The following ELP4 variants were observed in gnomAD, a reference collection of about 807,000 sequenced individuals.
ELP4 encodes the protein elongator complex protein 4.
A neutral mutation model predicts 48.9 loss-of-function variants in ELP4; 51 were observed. That is an observed-to-expected ratio of 1.04 (90% CI 0.83 to 1.32). The LOEUF is 1.32. Ranked by LOEUF, ELP4 falls within the 40% of genes most tolerant of loss-of-function variation. ELP4 has a pLI of 0.00. For missense variants in ELP4, 519 were observed against 514.6 expected, an observed-to-expected ratio of 1.01 and a Z score of -0.08; for synonymous variants, 210 against 189.2, an observed-to-expected ratio of 1.11 and a Z score of -0.90.
At chr11:31,732,863 T>C (rs563463888) in intron 9 of ELP4, among the ~76,000 whole-genome samples, 2 of 152,292 alleles carry the variant, frequency 1.3e-5, no homozygotes, top group Non-Finnish European at 2.9e-5. Flanking sequence ...CAGGAAGATA[T>C]AGCAATTGTA....
intron 4 of ELP4, among the ~76,000 whole-genome samples, chr11:31,597,810 G>C (rs1957700131): frequency 6.6e-6 from 1 of 151,958 alleles, no homozygotes; most frequent in South Asian, 2.1e-4. Context: ...CAGGTGATCT[G>C]CCTGCCTTGG....
chr11:31,579,967 GA>G (rs903633055), intron 3 of ELP4, among the ~76,000 whole-genome samples: 8 of 150,754 alleles, frequency 5.3e-5, no homozygotes, highest in South Asian at 2.1e-4. Context: ...AAAACAACTA[GA>G]AAAAAAAAGT....
At chr11:31,510,678 TACG>T (rs1955976540) in intron 1 of ELP4, 7 of 293,114 alleles carry the variant, frequency 2.4e-5, no homozygotes, top group African/African-American at 8.7e-5. Context: ...CTACATTCCA[TACG>T]ACATCTTTAA....
intron 3 of ELP4, among the ~76,000 whole-genome samples, chr11:31,571,625 A>G (rs1390580540): frequency 2.0e-5 from 3 of 152,210 alleles, no homozygotes; most frequent in Admixed American, 1.3e-4. Flanking sequence ...TATAGCAGCA[A>G]TAGTGTTAAG....
chr11:31,727,384 A>G (rs1947097625), intron 9 of ELP4, among the ~76,000 whole-genome samples: 1 of 152,144 alleles, frequency 6.6e-6, no homozygotes, highest in Non-Finnish European at 1.5e-5. Flanking sequence ...AGGACTTGGG[A>G]GAATCAGGTC....
chr11:31,543,464 C>T (rs1165985634), intron 3 of ELP4, among the ~76,000 whole-genome samples: 7 of 152,066 alleles, frequency 4.6e-5, no homozygotes, highest in African/African-American at 1.4e-4. Flanking sequence ...GGACTACAGG[C>T]ACCCACCACC....
In ELP4 at chr11:31,670,823, C is replaced by T. The variant is rs542406438; in HGVS notation, c.1143+20602C>T. Among the ~76,000 whole-genome samples the T allele has an allele frequency of 5.3e-5, 8 of 151,656 alleles. No individual in the cohort carries two copies. In the South Asian group the frequency reaches 1.7e-3, roughly 32 times the overall value. On this transcript the variant is annotated intron_variant, in intron 9 of 9. Transcript: ENST00000640961. ...AATTTTATTTATAAAATATTTTCCC[C>T]AAGTCATTCTTTTTCATAAGGTTAT...
chr11:31,550,449 T>A (rs1956829755), intron 3 of ELP4, among the ~76,000 whole-genome samples: 2 of 152,140 alleles, frequency 1.3e-5, no homozygotes, highest in Admixed American at 1.3e-4. Context: ...AAACATAAGC[T>A]CCATCAAGTT....
intron 9 of ELP4, among the ~76,000 whole-genome samples, chr11:31,696,473 T>G (rs1363177237): frequency 6.6e-6 from 1 of 152,100 alleles, no homozygotes; most frequent in East Asian, 1.9e-4. Flanking sequence ...TGTAGTTGAG[T>G]GATTTTGAGA....
chr11:31,678,495 A>ATGTGTGTG (rs71060498), intron 9 of ELP4, among the ~76,000 whole-genome samples: 54 of 137,510 alleles, frequency 3.9e-4, no homozygotes, highest in African/African-American at 1.5e-3. Context: ...ACATATATGT[A>ATGTGTGTG]TGTGTGTGTG....
At chr11:31,522,550 T>C (rs1256423511) in intron 2 of ELP4, among the ~76,000 whole-genome samples, 2 of 152,364 alleles carry the variant, frequency 1.3e-5, no homozygotes, top group African/African-American at 4.8e-5. Flanking sequence ...AGTTCTCTAC[T>C]GAAAAATTTA....
chr11:31,662,434 A>T (rs1458019661), intron 9 of ELP4: 5 of 394,634 alleles, frequency 1.3e-5, no homozygotes, highest in Non-Finnish European at 2.2e-5. Context: ...CCATGGGCCA[A>T]ATCCAGCTCC....
In ELP4 at chr11:31,790,169, A is replaced by G. The variant is rs1949413129; in HGVS notation, c.*6645A>G. ...CTGTATTAAAATCACTTCAATTGTT[A>G]CAAATAAAAGTAGCACCTTCAGAAA... On this transcript the variant is annotated 3_prime_UTR_variant, in exon 10 of 10. Transcript: ENST00000640961. 1.5e-6 allele frequency: 1 copy of G among 659,084 alleles called. No homozygotes were observed. The highest frequency in any genetic ancestry group is 2.6e-6 in the Non-Finnish European group (1 of 385,684). 40.8% of individuals were successfully genotyped at this position (659,084 alleles called of 1,614,324 possible).
intron 9 of ELP4, among the ~76,000 whole-genome samples, chr11:31,666,457 G>A (rs1451534469): frequency 6.6e-6 from 1 of 152,072 alleles, no homozygotes; most frequent in Non-Finnish European, 1.5e-5. Flanking sequence ...ACTTTGGGAG[G>A]CCAAGGTGGG....
intron 2 of ELP4, among the ~76,000 whole-genome samples, chr11:31,539,432 C>T (rs762140430): frequency 7.2e-5 from 11 of 152,170 alleles, no homozygotes; most frequent in Middle Eastern, 6.8e-3. Flanking sequence ...CCAGCCTGGG[C>T]GACAGAACGA....
chr11:31,728,868 G>T (rs1947128961), intron 9 of ELP4, among the ~76,000 whole-genome samples: 1 of 152,164 alleles, frequency 6.6e-6, no homozygotes, highest in Admixed American at 6.5e-5. Flanking sequence ...CAAAATTAAA[G>T]TTAAGTTGAA....
At chr11:31,516,094 C>T (rs184342950) in intron 1 of ELP4, among the ~76,000 whole-genome samples, 4 of 152,258 alleles carry the variant, frequency 2.6e-5, no homozygotes, top group Admixed American at 2.6e-4. Context: ...GCCTGGAGGA[C>T]ATAGCAAGAC....
At chr11:31,760,001 G>T (rs1054237458) in intron 9 of ELP4, among the ~76,000 whole-genome samples, 4 of 152,120 alleles carry the variant, frequency 2.6e-5, no homozygotes, top group Admixed American at 2.6e-4. Context: ...ACTATGGTCG[G>T]TCAGTGTTTT....
intron 9 of ELP4, among the ~76,000 whole-genome samples, chr11:31,722,328 A>G (rs1592253431): frequency 1.3e-5 from 2 of 152,336 alleles, no homozygotes; most frequent in Non-Finnish European, 2.9e-5. Context: ...AATTTCCACT[A>G]TGTGGAATAA....
Sources: allele counts gnomAD v4.1 joint callset (sites outside exome capture counted in the v4.1 genomes callset), GRCh38; gene constraint gnomAD v4.1.1; transcripts MANE v1.5; gene names NCBI Gene and HGNC (gene_info 2026-07-23, HGNC 2026-07-21).